The following SYCP2 variants were observed in gnomAD, a reference collection of about 807,000 sequenced individuals.
SYCP2 encodes the protein synaptonemal complex lateral element protein.
Under a neutral mutation model 211.3 loss-of-function variants are expected in SYCP2, and 55 were observed. The ratio of observed to expected loss-of-function variants is 0.26; its 90% CI spans 0.21 to 0.33. SYCP2 has a LOEUF of 0.33. SYCP2 is among the 10% of genes least tolerant of loss of function. SYCP2 has a pLI of 1.00. For missense variants in SYCP2, 1,731 were observed against 1,752.0 expected (o/e 0.99, Z 0.21); for synonymous variants, 570 against 555.2 (o/e 1.03, Z -0.37).
intron 12 of SYCP2, 145 bp downstream of exon 12, chr20:59,913,830 T>C: frequency 2.1e-6 from 1 of 480,868 alleles, no homozygotes; most frequent in African/African-American, 2.0e-5. Flanking sequence ...CATGTTATTG[T>C]TTTAAATTAT....
intron 18 of SYCP2, among the ~76,000 whole-genome samples, chr20:59,897,416 A>T (rs931982310): frequency 6.6e-6 from 1 of 152,218 alleles, no homozygotes; most frequent in Non-Finnish European, 1.5e-5. Flanking sequence ...TTACTTATTC[A>T]TATAAATGCC....
chr20:59,912,092 A>G, intron 13 of SYCP2: 1 of 401,286 alleles, frequency 2.5e-6, no homozygotes. Flanking sequence ...GGTTGAAAGT[A>G]CTAGTTTGAA....
At chr20:59,901,322 A>G (rs918913828) in intron 16 of SYCP2, among the ~76,000 whole-genome samples, 1 of 152,020 alleles carries the variant, frequency 6.6e-6, no homozygotes, top group Non-Finnish European at 1.5e-5. Flanking sequence ...CATGTTCCCT[A>G]TGCCATTATT....
chr20:59,907,542 T>C (rs1256354732), intron 14 of SYCP2, 118 bp from the exon 15 acceptor site: 7 of 707,732 alleles, frequency 9.9e-6, no homozygotes, highest in Non-Finnish European at 1.7e-5. Context: ...ACTAAGTAAC[T>C]AGTTTATATA....
At chr20:59,880,055 C>T (rs933068274) in intron 31 of SYCP2, among the ~76,000 whole-genome samples, 1 of 150,776 alleles carries the variant, frequency 6.6e-6, no homozygotes, top group African/African-American at 2.4e-5. Context: ...CATGAGTAGA[C>T]AAGTGACGAA....
intron 44 of SYCP2, 68 bp from the exon 45 acceptor site, chr20:59,864,456 A>AG: frequency 9.2e-7 from 1 of 1,090,270 alleles, no homozygotes; most frequent in Non-Finnish European, 1.3e-6. Flanking sequence ...CAAATAAAAT[A>AG]GAAAAAAAAA....
At chr20:59,899,652 G>T (rs1363786414) in intron 18 of SYCP2, among the ~76,000 whole-genome samples, 2 of 152,118 alleles carry the variant, frequency 1.3e-5, no homozygotes, top group African/African-American at 2.4e-5. Context: ...GAAACAGGGG[G>T]CTATCGACAA....
chr20:59,905,505 G>C (rs2145803374), intron 15 of SYCP2, among the ~76,000 whole-genome samples: 1 of 152,004 alleles, frequency 6.6e-6, no homozygotes, highest in South Asian at 2.1e-4. Context: ...AAAGAAGCTG[G>C]ACAAAAATTG....
intron 44 of SYCP2, among the ~76,000 whole-genome samples, 156 bp from the exon 45 acceptor site, chr20:59,864,544 T>C (rs1434269757): frequency 1.3e-5 from 2 of 151,956 alleles, no homozygotes; most frequent in African/African-American, 4.8e-5. Flanking sequence ...TCTACAGATA[T>C]CCACAGAATT....
chr20:59,867,014 C>CAAAAA (rs779891839), intron 39 of SYCP2, among the ~76,000 whole-genome samples: 6 of 60,392 alleles, frequency 9.9e-5, no homozygotes, highest in Admixed American at 2.4e-4. Context: ...GGCCTTGGGC[C>CAAAAA]AAAAAAAAAA....
In SYCP2 at chr20:59,880,439, A is replaced by G. The variant is rs757655234; in HGVS notation, c.2805T>C (p.Phe935=). The stretch of plus-strand genomic sequence containing the variant: ...ATCTGTACTCTGTTTCAGTATCACT[A>G]AACAGATTTTTCTTTTGATGATTTG... ...IITNHQKKNL[F]SDTETEYRCD... The change falls in exon 31 of 45, where the codon TTT becomes TTC. Residue 935 remains phenylalanine (F), a synonymous_variant. Coordinates refer to ENST00000357552, the MANE Select transcript of SYCP2 (RefSeq NM_014258.4). The G allele has an allele frequency of 4.4e-6, 7 of 1,586,892 alleles. No individual in the cohort carries two copies. Among genetic ancestry groups the G allele is most frequent in the East Asian group, 2.3e-5 (1 of 44,334 alleles).
chr20:59,868,787 T>C (rs2059397469), intron 37 of SYCP2, 48 bp downstream of exon 37: 1 of 1,475,092 alleles, frequency 6.8e-7, no homozygotes, highest in Non-Finnish European at 9.3e-7. Flanking sequence ...AAATGTCACG[T>C]AGCATTTCAG....
intron 2 of SYCP2, among the ~76,000 whole-genome samples, chr20:59,925,734 G>C (rs993847647): frequency 6.6e-6 from 1 of 151,986 alleles, no homozygotes; most frequent in Non-Finnish European, 1.5e-5. Context: ...GTTTTAAATA[G>C]AGGGAAGATT....
intron 18 of SYCP2, among the ~76,000 whole-genome samples, chr20:59,898,172 G>A (rs1211354353): frequency 6.6e-6 from 1 of 152,050 alleles, no homozygotes; most frequent in Admixed American, 6.6e-5. Context: ...ATTCCTCAAG[G>A]ATCTAGAACC....
At chr20:59,903,269 T>G (rs1416248976) in intron 15 of SYCP2, among the ~76,000 whole-genome samples, 1 of 152,160 alleles carries the variant, frequency 6.6e-6, no homozygotes, top group African/African-American at 2.4e-5. Context: ...AAGAAAACTT[T>G]GTTTTGTTGC....
chr20:59,928,880 C>T (rs978094990), intron 2 of SYCP2, among the ~76,000 whole-genome samples: 1 of 152,020 alleles, frequency 6.6e-6, no homozygotes, highest in African/African-American at 2.4e-5. Flanking sequence ...AGGAGGCTAT[C>T]ACTAAGATGT....
intron 21 of SYCP2, 33 bp downstream of exon 21, chr20:59,893,491 A>C (rs2059949260): frequency 1.4e-6 from 2 of 1,431,552 alleles, no homozygotes; most frequent in Non-Finnish European, 2.0e-6. Flanking sequence ...ATTTTCTTAA[A>C]AAAATGACTA....
chr20:59,916,730 A>C (rs2060449766), intron 7 of SYCP2, among the ~76,000 whole-genome samples, 159 bp from the exon 8 acceptor site: 1 of 152,108 alleles, frequency 6.6e-6, no homozygotes, highest in Admixed American at 6.5e-5. Flanking sequence ...GCTTGAGCCC[A>C]GGAGTTTGAG....
chr20:59,877,278 A>T, intron 33 of SYCP2, 107 bp downstream of exon 33: 2 of 774,500 alleles, frequency 2.6e-6, no homozygotes, highest in Non-Finnish European at 3.6e-6. Flanking sequence ...GTCATAAAAG[A>T]AGTTAACTCT....
Sources: allele counts gnomAD v4.1 joint callset (sites outside exome capture counted in the v4.1 genomes callset), GRCh38; gene constraint gnomAD v4.1.1; transcripts MANE v1.5; gene names NCBI Gene and HGNC (gene_info 2026-07-23, HGNC 2026-07-21).